BMPER: variants seen among roughly 807,000 people sequenced by gnomAD.
The protein encoded by BMPER is BMP binding endothelial regulator.
A neutral mutation model predicts 87.3 loss-of-function variants in BMPER; 45 were observed. The ratio of observed to expected loss-of-function variants is 0.52; its 90% CI spans 0.41 to 0.66. The LOEUF (loss-of-function observed/expected upper bound fraction) is 0.66. Ranked by LOEUF, BMPER falls within the 30% of genes least tolerant of loss-of-function variation. The pLI is 0.00. For synonymous variants in BMPER, 326 were observed against 316.2 expected, an observed-to-expected ratio of 1.03 and a Z score of -0.33; for missense variants, 784 against 867.5, an observed-to-expected ratio of 0.90 and a Z score of 1.21.
chr7:33,970,530 T>A, intron 5 of BMPER, 111 bp downstream of exon 5: 1 of 1,129,716 alleles, frequency 8.9e-7, no homozygotes, highest in Non-Finnish European at 1.3e-6. Context: ...TCTGTGTACC[T>A]AATGGGTTTA....
At chr7:34,105,066 TGA>T (rs1374809816) in intron 13 of BMPER, among the ~76,000 whole-genome samples, 1 of 152,214 alleles carries the variant, frequency 6.6e-6, no homozygotes, top group Non-Finnish European at 1.5e-5. Context: ...GTGGTGTGTG[TGA>T]GAGTAGGGTC....
chr7:33,945,859 C>T (rs1211082093), intron 3 of BMPER, among the ~76,000 whole-genome samples: 1 of 151,892 alleles, frequency 6.6e-6, no homozygotes, highest in Admixed American at 6.6e-5. Context: ...CATTCATCTG[C>T]CAAGATGTTA....
At chr7:34,041,057 A>G (rs1787820276) in intron 6 of BMPER, among the ~76,000 whole-genome samples, 1 of 152,204 alleles carries the variant, frequency 6.6e-6, no homozygotes, top group Non-Finnish European at 1.5e-5. Flanking sequence ...CATCGCTTTG[A>G]TTATACTTCA....
chr7:34,119,014 T>TCACACCCACACACA (rs1554320990), intron 13 of BMPER, among the ~76,000 whole-genome samples: 1 of 135,712 alleles, frequency 7.4e-6, no homozygotes, highest in Admixed American at 7.8e-5. Context: ...TCTCTCTCTC[T>TCACACCCACACACA]CACACACACA....
At chr7:33,968,495 T>C (rs1185816699) in intron 4 of BMPER, among the ~76,000 whole-genome samples, 2 of 152,166 alleles carry the variant, frequency 1.3e-5, no homozygotes, top group African/African-American at 2.4e-5. Flanking sequence ...GGGCACAAAA[T>C]CAGTAGCAGA....
intron 10 of BMPER, among the ~76,000 whole-genome samples, chr7:34,059,744 GAAA>G (rs76980222): frequency 1.6e-5 from 2 of 127,034 alleles, no homozygotes; most frequent in Non-Finnish European, 3.4e-5. Context: ...GGAAATTTTG[GAAA>G]AAAAAAAAAA....
intron 2 of BMPER, among the ~76,000 whole-genome samples, chr7:33,923,138 G>A (rs1229873924): frequency 6.6e-6 from 1 of 152,082 alleles, no homozygotes; most frequent in African/African-American, 2.4e-5. Flanking sequence ...TGAGTATCAC[G>A]GTCCTAGTTT....
chr7:34,087,429 A>G (rs1302500601), intron 13 of BMPER, among the ~76,000 whole-genome samples: 1 of 152,222 alleles, frequency 6.6e-6, no homozygotes, highest in Non-Finnish European at 1.5e-5. Context: ...ATAGCAATTA[A>G]GAACTTTGTG....
At chr7:34,002,152 C>T (rs1006168553) in intron 6 of BMPER, among the ~76,000 whole-genome samples, 2 of 151,478 alleles carry the variant, frequency 1.3e-5, no homozygotes, top group Non-Finnish European at 3.0e-5. Context: ...TAGAGTGGAG[C>T]GTTCTCTGTA....
In BMPER at chr7:34,065,178, C is replaced by T. The variant is rs184683525; in HGVS notation, c.1078+3131C>T. Reference sequence around the variant, plus strand: ...ACACATACACTCTCTCCCTCTCTCTCGGACACACACACACATACACACTCA... The same window carrying T: ...ACACATACACTCTCTCCCTCTCTCTTGGACACACACACACATACACACTCA... On this transcript the variant is annotated intron_variant, in intron 11 of 14. Transcript: ENST00000649409. Among the ~76,000 whole-genome samples, 189 of 147,236 alleles carry T rather than the reference C, an allele frequency of 1.3e-3. 1 individual carries two copies. Among genetic ancestry groups the T allele is most frequent in the Middle Eastern group, 3.6e-3 (1 of 276 alleles).
At chr7:33,958,711 T>C (rs1350213547) in intron 3 of BMPER, among the ~76,000 whole-genome samples, 1 of 152,240 alleles carries the variant, frequency 6.6e-6, no homozygotes, top group Non-Finnish European at 1.5e-5. Context: ...TTGCGCTTTT[T>C]TGAAGCTTGG....
At chr7:33,911,653 G>T (rs115831080) in intron 2 of BMPER, among the ~76,000 whole-genome samples, 1 of 152,160 alleles carries the variant, frequency 6.6e-6, no homozygotes, top group South Asian at 2.1e-4. Flanking sequence ...AATCAAACTG[G>T]TGGTGAAGTT....
rs1037622694 is a variant in BMPER at position 34,025,434 on chromosome 7, A to G, written c.577-20872A>G. Among the ~76,000 whole-genome samples the G allele has an allele frequency of 3.9e-5, 6 of 151,934 alleles. No individual in the cohort carries two copies. In the East Asian group the frequency reaches 1.2e-3, roughly 30 times the overall value. ...GGGTGTCTGGGGCCTGAGATGATAT[A>G]GGGGATCCCAGGAGGGCTGAGCCTT... On this transcript the variant is annotated intron_variant, in intron 6 of 14. Transcript: ENST00000649409.
At chr7:34,028,427 G>GAT (rs1787417114) in intron 6 of BMPER, among the ~76,000 whole-genome samples, 1 of 151,708 alleles carries the variant, frequency 6.6e-6, no homozygotes, top group Non-Finnish European at 1.5e-5. Context: ...CTGTAGATAA[G>GAT]ATATAACTCA....
chr7:34,152,105 T>TTACA (rs1475286680), intron 14 of BMPER, among the ~76,000 whole-genome samples: 2 of 152,240 alleles, frequency 1.3e-5, no homozygotes, highest in Non-Finnish European at 2.9e-5. Flanking sequence ...AATTTTACAA[T>TTACA]TACACGATTC....
chr7:33,905,493 C>T (rs1783785514), upstream of BMPER: 10 of 1,443,240 alleles, frequency 6.9e-6, no homozygotes, highest in East Asian at 2.6e-5. Flanking sequence ...GCCCGCCTCC[C>T]TCCTTCGCGG....
intron 6 of BMPER, among the ~76,000 whole-genome samples, chr7:34,033,802 A>T (rs1469685261): frequency 1.3e-5 from 2 of 152,192 alleles, no homozygotes; most frequent in Non-Finnish European, 2.9e-5. Context: ...TTATCTTCAC[A>T]GGATTGTCTG....
At chr7:34,090,172 A>G (rs1451598386) in intron 13 of BMPER, among the ~76,000 whole-genome samples, 2 of 152,240 alleles carry the variant, frequency 1.3e-5, no homozygotes, top group Non-Finnish European at 2.9e-5. Context: ...GACTTCTCAA[A>G]TTAGATAACC....
intron 2 of BMPER, among the ~76,000 whole-genome samples, chr7:33,909,693 A>AAAAAAAAAAAAG (rs10655768): frequency 2.9e-5 from 4 of 138,920 alleles, no homozygotes; most frequent in Admixed American, 7.3e-5. Flanking sequence ...AAAAAAAAAA[A>AAAAAAAAAAAAG]AAAGAAAGAA....
Sources: gnomAD v4.1 joint callset for allele counts (sites outside exome capture counted in the v4.1 genomes callset) on GRCh38, gnomAD v4.1.1 for gene constraint, MANE v1.5 for transcripts, NCBI Gene and HGNC (gene_info 2026-07-23, HGNC 2026-07-21) for gene names.